Variants in PRKCA observed in about 807,000 individuals in gnomAD.
PRKCA encodes the protein protein kinase C alpha type.
A neutral mutation model predicts 87.0 loss-of-function variants in PRKCA; 27 were observed. The observed-to-expected ratio is 0.31, with a 90% CI of 0.23 to 0.43. PRKCA has a LOEUF of 0.43. PRKCA is among the 20% of genes least tolerant of loss of function. PRKCA has a pLI of 1.00. For synonymous variants in PRKCA, 329 were observed against 311.1 expected, an observed-to-expected ratio of 1.06 and a Z score of -0.61; for missense variants, 518 against 852.3, an observed-to-expected ratio of 0.61 and a Z score of 4.88.
chr17:66,634,582 C>A (rs966843431), intron 3 of PRKCA, among the ~76,000 whole-genome samples: 3 of 152,218 alleles, frequency 2.0e-5, no homozygotes, highest in Admixed American at 2.0e-4. Flanking sequence ...TTATCTACAG[C>A]CCTTTGGTGC....
intron 2 of PRKCA, among the ~76,000 whole-genome samples, chr17:66,491,298 C>T (rs113324360): frequency 0.52 from 8,360 of 16,000 alleles, 762 homozygotes; most frequent in Middle Eastern, 0.64. Flanking sequence ...GTTATATAAC[C>T]AGAGGTGACC....
chr17:66,337,249 C>T (rs1428518127), intron 2 of PRKCA, among the ~76,000 whole-genome samples: 3 of 152,004 alleles, frequency 2.0e-5, no homozygotes, highest in East Asian at 1.9e-4. Flanking sequence ...AGGATGAAGG[C>T]GAGGCAAAGG....
At chr17:66,679,578 T>TC (rs1746269558) in intron 5 of PRKCA, among the ~76,000 whole-genome samples, 1 of 152,254 alleles carries the variant, frequency 6.6e-6, no homozygotes, top group Non-Finnish European at 1.5e-5. Flanking sequence ...TTGCCTGCCT[T>TC]CCCACCACTC....
intron 2 of PRKCA, among the ~76,000 whole-genome samples, chr17:66,434,580 G>A (rs1363913098): frequency 3.3e-5 from 5 of 152,090 alleles, no homozygotes; most frequent in African/African-American, 9.7e-5. Flanking sequence ...GCATTTTGAC[G>A]ATTTCCCCCT....
chr17:66,555,618 G>A (rs953777129), intron 3 of PRKCA, among the ~76,000 whole-genome samples: 3 of 152,092 alleles, frequency 2.0e-5, no homozygotes, highest in Non-Finnish European at 4.4e-5. Flanking sequence ...TAGACAACTT[G>A]TAGCCTAGAT....
chr17:66,411,102 T>C (rs1376364867), intron 2 of PRKCA, among the ~76,000 whole-genome samples: 1 of 152,120 alleles, frequency 6.6e-6, no homozygotes, highest in African/African-American at 2.4e-5. Flanking sequence ...GACAGGGTCT[T>C]GCCCTGTCGC....
At chr17:66,435,744 G>A (rs1178435092) in intron 2 of PRKCA, among the ~76,000 whole-genome samples, 1 of 152,196 alleles carries the variant, frequency 6.6e-6, no homozygotes, top group Non-Finnish European at 1.5e-5. Flanking sequence ...CAAGCATGGA[G>A]GACTTTTTGG....
chr17:66,673,225 G>A (rs1972240189), intron 5 of PRKCA, among the ~76,000 whole-genome samples: 2 of 152,142 alleles, frequency 1.3e-5, no homozygotes, highest in African/African-American at 4.8e-5. Flanking sequence ...ACTAAACATT[G>A]TTGTTTCTCA....
At chr17:66,429,284 A>G (rs762027250) in intron 2 of PRKCA, among the ~76,000 whole-genome samples, 9 of 152,218 alleles carry the variant, frequency 5.9e-5, no homozygotes, top group Admixed American at 3.3e-4. Flanking sequence ...ATCTTCCAAA[A>G]TGAAGATTGA....
chr17:66,689,189 T>A lies in PRKCA; in HGVS notation c.918+142T>A. ...TGATCTTTTTCTTTATTTAAAAACA[T>A]GAATGTTGTTCGTTCCCTTTCCTTT... On this transcript the variant is annotated intron_variant, in intron 8 of 16. Transcript: ENST00000413366. The surrounding 1 kb of genome is among the most constrained non-coding windows in gnomAD (Gnocchi z 4.1). 1.7e-6 allele frequency: 1 copy of A among 576,528 alleles called. No individual in the cohort carries two copies. Among genetic ancestry groups the A allele is most frequent in the Non-Finnish European group, 3.0e-6 (1 of 328,492 alleles). The allele number at this position is 576,528 out of a possible 1,614,324, so 35.7% of individuals were successfully genotyped here.
chr17:66,712,048 G>A (rs1337575766), intron 8 of PRKCA, among the ~76,000 whole-genome samples: 3 of 151,836 alleles, frequency 2.0e-5, no homozygotes, highest in African/African-American at 7.3e-5. Context: ...TGAAAACCCT[G>A]TCCCATGATT....
chr17:66,712,442 A>C (rs1486474701), intron 8 of PRKCA, among the ~76,000 whole-genome samples: 1 of 152,208 alleles, frequency 6.6e-6, no homozygotes, highest in Non-Finnish European at 1.5e-5. Context: ...TTAGTTTCCC[A>C]GCATGTCGGA....
chr17:66,477,640 T>C (rs1385357407), intron 2 of PRKCA, among the ~76,000 whole-genome samples: 7 of 152,124 alleles, frequency 4.6e-5, no homozygotes, highest in Non-Finnish European at 5.9e-5. Context: ...ACGGAGGTTG[T>C]GGTGAGCTGA....
chr17:66,489,352 C>CATGCATATAT (rs1555610346), intron 2 of PRKCA, among the ~76,000 whole-genome samples: 5 of 98,964 alleles, frequency 5.1e-5, no homozygotes, highest in African/African-American at 1.9e-4. Flanking sequence ...CTTAGCAGTG[C>CATGCATATAT]ATATATATAT....
chr17:66,459,032 G>T (rs375641526), intron 2 of PRKCA, among the ~76,000 whole-genome samples: 1 of 151,972 alleles, frequency 6.6e-6, no homozygotes, highest in East Asian at 1.9e-4. Context: ...AATGGAGTTG[G>T]GATTTGAACC....
intron 3 of PRKCA, chr17:66,638,278 C>T (rs1158940644): frequency 6.6e-6 from 1 of 151,968 alleles, no homozygotes; most frequent in Admixed American, 6.6e-5. Flanking sequence ...TCTGTGCTCT[C>T]TGAAGCAGCA....
chr17:66,571,252 T>G (rs560891633), intron 3 of PRKCA, among the ~76,000 whole-genome samples: 33 of 152,360 alleles, frequency 2.2e-4, no homozygotes, highest in African/African-American at 7.5e-4. Flanking sequence ...CGTGTACTTA[T>G]TTCTGTGTTT....
intron 3 of PRKCA, among the ~76,000 whole-genome samples, chr17:66,625,614 C>T (rs9915274): frequency 0.12 from 17,573 of 152,160 alleles, 2,263 homozygotes; most frequent in African/African-American, 0.31. Flanking sequence ...TTCCTGTCCT[C>T]AGGGGAAAAT....
At chr17:66,329,214 A>C (rs1041107240) in intron 2 of PRKCA, among the ~76,000 whole-genome samples, 6 of 152,276 alleles carry the variant, frequency 3.9e-5, no homozygotes, top group Admixed American at 6.5e-5. Flanking sequence ...TTGGAGGTAG[A>C]AGGGAGAGGA....
Sources: allele counts gnomAD v4.1 joint callset (sites outside exome capture counted in the v4.1 genomes callset), GRCh38; gene constraint gnomAD v4.1.1; non-coding constraint Gnocchi (gnomAD v3.1); transcripts MANE v1.5; gene names NCBI Gene and HGNC (gene_info 2026-07-23, HGNC 2026-07-21).